Variants in FNBP1 observed in about 807,000 individuals in gnomAD.
FNBP1 encodes the protein formin-binding protein 1.
FNBP1 carries 26 observed loss-of-function variants against 90.6 expected under a neutral mutation model. The observed-to-expected ratio is 0.29, with a 90% CI of 0.21 to 0.40. FNBP1 has a LOEUF of 0.40. FNBP1 is among the 10% of genes least tolerant of loss of function. The probability of loss-of-function intolerance (pLI) is 1.00; values close to 1 mark genes in which losing one functional copy is unlikely to be tolerated. For synonymous variants in FNBP1, 260 were observed against 265.2 expected (o/e 0.98, Z 0.19); for missense variants, 635 against 768.0 (o/e 0.83, Z 2.05).
Position 129,957,516 on chromosome 9 carries a change from G to A in FNBP1, c.409-52C>T. ...AACCATAAGAGTCCTACGAGAAGAT[G>A]TAATTTTATCTAAAGCTCCCAAAGA... On this transcript the variant is annotated intron_variant, in intron 5 of 16. Coordinates refer to ENST00000446176, the MANE Select transcript of FNBP1 (RefSeq NM_015033.3). This position sits in a 1 kb window ranked among gnomAD's most constrained non-coding sequence, Gnocchi z 4.3. 3 of 1,334,354 alleles carry A rather than the reference G, an allele frequency of 2.2e-6. No homozygotes were observed. Among genetic ancestry groups the A allele is most frequent in the Non-Finnish European group, 3.2e-6 (3 of 942,068 alleles). 82.7% of individuals were successfully genotyped at this position (1,334,354 alleles called of 1,614,324 possible).
intron 1 of FNBP1, among the ~76,000 whole-genome samples, chr9:130,036,993 C>A (rs1206174660): frequency 6.9e-6 from 1 of 145,368 alleles, no homozygotes; most frequent in South Asian, 2.2e-4. Flanking sequence ...TGCAGTGAGC[C>A]GAAATCACGC....
At chr9:130,005,205 T>C (rs2131545768) in intron 1 of FNBP1, among the ~76,000 whole-genome samples, 1 of 150,316 alleles carries the variant, frequency 6.7e-6, no homozygotes, top group East Asian at 2.0e-4. Flanking sequence ...CACTACACTC[T>C]AGCCTGGGTG....
intron 6 of FNBP1, among the ~76,000 whole-genome samples, chr9:129,942,807 C>T (rs573028419): frequency 2.7e-5 from 4 of 147,386 alleles, no homozygotes; most frequent in Non-Finnish European, 4.4e-5. Flanking sequence ...AGCATTTTAT[C>T]GGGGTCACAT....
chr9:129,903,245 T>C (rs571277698), intron 12 of FNBP1, among the ~76,000 whole-genome samples: 1 of 152,076 alleles, frequency 6.6e-6, no homozygotes, highest in Non-Finnish European at 1.5e-5. Context: ...AGAGATGGGG[T>C]TTTGCCACGT....
intron 1 of FNBP1, among the ~76,000 whole-genome samples, chr9:129,995,422 G>C (rs1026124718): frequency 6.6e-6 from 1 of 152,082 alleles, no homozygotes; most frequent in Admixed American, 6.6e-5. Context: ...TAAAACACAT[G>C]GATTTTATTC....
At chr9:130,005,097 A>G (rs2131543488) in intron 1 of FNBP1, among the ~76,000 whole-genome samples, 1 of 140,876 alleles carries the variant, frequency 7.1e-6, no homozygotes, top group Admixed American at 7.4e-5. Flanking sequence ...AAGGCTGGGC[A>G]TGATGGCTTG....
chr9:129,910,504 A>AAGAG (rs1554771987), intron 11 of FNBP1, among the ~76,000 whole-genome samples: 37 of 104,104 alleles, frequency 3.6e-4, no homozygotes, highest in East Asian at 9.9e-4. Flanking sequence ...AAAAAAAAAA[A>AAGAG]AGAGAGAGAG....
At chr9:129,995,055 G>C in intron 1 of FNBP1, 97 bp from the exon 2 acceptor site, 1 of 693,356 alleles carries the variant, frequency 1.4e-6, no homozygotes, top group Non-Finnish European at 2.5e-6. Flanking sequence ...TACATACAAA[G>C]TAGTACTAAT....
intron 1 of FNBP1, among the ~76,000 whole-genome samples, chr9:130,038,831 A>AT (rs1428394391): frequency 1.3e-5 from 2 of 152,244 alleles, no homozygotes; most frequent in African/African-American, 4.8e-5. Flanking sequence ...GGAGGCAGCA[A>AT]AACCAGGTTC....
chr9:129,947,997 A>AG (rs1328433047), intron 6 of FNBP1, among the ~76,000 whole-genome samples: 1 of 151,842 alleles, frequency 6.6e-6, no homozygotes, highest in East Asian at 1.9e-4. Flanking sequence ...AAAAAAAAAA[A>AG]AAAGGAGGGG....
intron 9 of FNBP1, among the ~76,000 whole-genome samples, chr9:129,924,490 G>A (rs1218106272): frequency 1.3e-5 from 2 of 152,200 alleles, no homozygotes; most frequent in African/African-American, 4.8e-5. Flanking sequence ...ACGTCCCCAG[G>A]TTAATGCTGT....
intron 6 of FNBP1, among the ~76,000 whole-genome samples, chr9:129,931,375 G>A (rs908020358): frequency 4.6e-5 from 7 of 151,968 alleles, no homozygotes; most frequent in Non-Finnish European, 1.0e-4. Context: ...AGGCTGAGGT[G>A]GGCAGATCAC....
intron 9 of FNBP1, 21 bp downstream of exon 9, chr9:129,924,939 T>A: frequency 6.3e-7 from 1 of 1,591,116 alleles, no homozygotes; most frequent in South Asian, 1.1e-5. Context: ...AGAAAACTCA[T>A]TTCACGCCAA....
intron 6 of FNBP1, among the ~76,000 whole-genome samples, chr9:129,944,491 A>C (rs2044888438): frequency 6.6e-6 from 1 of 150,574 alleles, no homozygotes; most frequent in African/African-American, 2.4e-5. Flanking sequence ...CAGTGAGCCG[A>C]GATCATGCCC....
intron 10 of FNBP1, chr9:129,919,284 T>C: frequency 9.5e-7 from 1 of 1,057,728 alleles, no homozygotes; most frequent in Non-Finnish European, 1.3e-6. Flanking sequence ...ATAAATAAAA[T>C]TAACCATAAG....
At chr9:129,917,193 T>C (rs2131728087) in intron 10 of FNBP1, among the ~76,000 whole-genome samples, 1 of 152,192 alleles carries the variant, frequency 6.6e-6, no homozygotes, top group South Asian at 2.1e-4. Flanking sequence ...TTTGTATTTT[T>C]AGTAGAGACG....
chr9:130,052,689 C>A, the FNBP1 span, among the ~76,000 whole-genome samples: 75 of 152,176 alleles, frequency 4.9e-4, no homozygotes, highest in Middle Eastern at 3.4e-3. Flanking sequence ...CCCGCCTCGG[C>A]GTTCCAAAGT....
intron 2 of FNBP1, among the ~76,000 whole-genome samples, chr9:129,983,364 C>T (rs1589063514): frequency 6.6e-6 from 1 of 152,290 alleles, no homozygotes; most frequent in Middle Eastern, 3.4e-3. Flanking sequence ...ATAATTCACT[C>T]TATAAATACC....
At chr9:129,978,688 T>C (rs1291498686) in intron 3 of FNBP1, 76 bp from the exon 4 acceptor site, 1 of 1,451,964 alleles carries the variant, frequency 6.9e-7, no homozygotes, top group Non-Finnish European at 9.4e-7. Context: ...ACCAAGAAAA[T>C]ATTAATTAAA....
Sources: gnomAD v4.1 joint callset for allele counts (sites outside exome capture counted in the v4.1 genomes callset) on GRCh38, gnomAD v4.1.1 for gene constraint, Gnocchi (gnomAD v3.1) non-coding constraint, MANE v1.5 for transcripts, NCBI Gene and HGNC (gene_info 2026-07-23, HGNC 2026-07-21) for gene names.